GRIK1: variants seen among roughly 807,000 people sequenced by gnomAD.
The protein encoded by GRIK1 is glutamate receptor ionotropic, kainate 1.
Under a neutral mutation model 105.7 loss-of-function variants are expected in GRIK1, and 69 were observed. The ratio of observed to expected loss-of-function variants is 0.65; its 90% CI spans 0.54 to 0.80. The LOEUF is 0.80. GRIK1 is among the 30% of genes least tolerant of loss of function. The pLI is 0.00. For missense variants in GRIK1, 1,109 were observed against 1,167.3 expected (o/e 0.95, Z 0.73); for synonymous variants, 438 against 431.3 (o/e 1.02, Z -0.19).
chr21:29,929,338 C>A (rs2071489121), intron 1 of GRIK1, among the ~76,000 whole-genome samples: 1 of 152,158 alleles, frequency 6.6e-6, no homozygotes, highest in South Asian at 2.1e-4. Context: ...CTTAACTAAT[C>A]GTTGTTAAAC....
chr21:29,708,419 T>C (rs1358976878), intron 1 of GRIK1, among the ~76,000 whole-genome samples: 1 of 152,250 alleles, frequency 6.6e-6, no homozygotes, highest in East Asian at 1.9e-4. Context: ...GTTGATTAGA[T>C]TTTTGGGCAG....
At chr21:29,554,546 T>A (rs898706394) in intron 16 of GRIK1, among the ~76,000 whole-genome samples, 3 of 152,094 alleles carry the variant, frequency 2.0e-5, no homozygotes, top group African/African-American at 7.2e-5. Flanking sequence ...CAAAAAAAAA[T>A]TTGAGGTGAT....
intron 1 of GRIK1, among the ~76,000 whole-genome samples, chr21:29,764,423 T>A (rs914853910): frequency 3.9e-5 from 6 of 152,224 alleles, no homozygotes; most frequent in African/African-American, 1.2e-4. Flanking sequence ...AGTTAATTAG[T>A]GTTAGTTAAC....
At chr21:29,774,673 A>G (rs145971432) in intron 1 of GRIK1, among the ~76,000 whole-genome samples, 2,338 of 152,048 alleles carry the variant, frequency 0.015, 63 homozygotes, top group African/African-American at 0.053. Flanking sequence ...GCTGGTCTCA[A>G]TCTCCTGACC....
At chr21:29,801,287 A>C (rs1230762236) in intron 1 of GRIK1, among the ~76,000 whole-genome samples, 1 of 150,768 alleles carries the variant, frequency 6.6e-6, no homozygotes, top group Non-Finnish European at 1.5e-5. Context: ...TAATGGTAAA[A>C]ACCGCAATTA....
At chr21:29,876,001 A>G (rs192484877) in intron 1 of GRIK1, among the ~76,000 whole-genome samples, 34 of 152,312 alleles carry the variant, frequency 2.2e-4, no homozygotes, top group Admixed American at 1.6e-3. Context: ...CCACTGTTTC[A>G]TGAAATGGTG....
chr21:29,642,896 A>G lies in GRIK1; in HGVS notation c.1028T>C (p.Val343Ala), dbSNP rs759849032. 2 of 1,614,016 alleles carry G rather than the reference A, an allele frequency of 1.2e-6. No individual in the cohort carries two copies. Among genetic ancestry groups the G allele is most frequent in the Admixed American group, 1.7e-5 (1 of 60,018 alleles). Residue 343 changes from valine (V) to alanine (A), a missense_variant, in exon 7 of 18, where the codon GTC (valine) becomes GCC (alanine). Physicochemically the swap from Val to Ala is moderately conservative, Grantham distance 64. Transcript: ENST00000327783. ...ATGTCTATGGCACTGCAGGGAGCTGACGGTCAGCTGGGATGCCCGGTGCGA... is the reference window on the plus strand; with the variant it reads ...ATGTCTATGGCACTGCAGGGAGCTGGCGGTCAGCTGGGATGCCCGGTGCGA... ...IASHRASQLT[V>A]SSLQCHRHKP... is the part of the protein sequence containing the mutation.
intron 1 of GRIK1, among the ~76,000 whole-genome samples, chr21:29,770,047 C>T (rs1269244502): frequency 6.6e-6 from 1 of 152,164 alleles, no homozygotes; most frequent in East Asian, 1.9e-4. Flanking sequence ...TAAATTCCCA[C>T]GAGTGCTATT....
intron 3 of GRIK1, among the ~76,000 whole-genome samples, chr21:29,675,822 G>A (rs1279217006): frequency 1.3e-5 from 2 of 152,096 alleles, no homozygotes; most frequent in African/African-American, 2.4e-5. Context: ...GGCAGAACCC[G>A]GGATTAAGGC....
intron 1 of GRIK1, among the ~76,000 whole-genome samples, chr21:29,913,688 T>C (rs1388498165): frequency 1.3e-5 from 2 of 150,574 alleles, no homozygotes; most frequent in African/African-American, 4.9e-5. Flanking sequence ...TATATATATA[T>C]ATATATTTGT....
intron 1 of GRIK1, among the ~76,000 whole-genome samples, chr21:29,716,924 G>T (rs553948851): frequency 6.6e-6 from 1 of 152,320 alleles, no homozygotes; most frequent in South Asian, 2.1e-4. Flanking sequence ...TGGAGGCCTA[G>T]GAGGGAGAAA....
chr21:29,560,353 TTCTTTTTCTTTCTTC>T (rs2090387006), intron 15 of GRIK1, among the ~76,000 whole-genome samples: 3 of 100,608 alleles, frequency 3.0e-5, no homozygotes, highest in Admixed American at 2.1e-4. Flanking sequence ...CTTTCTTTCT[TTCTTTTTCTTTCTTC>T]CTTCCTTCCT....
intron 5 of GRIK1, among the ~76,000 whole-genome samples, chr21:29,653,020 T>A (rs924317093): frequency 1.4e-4 from 22 of 152,206 alleles, no homozygotes; most frequent in African/African-American, 5.3e-4. Flanking sequence ...CATTGCATAT[T>A]TTTTTCCTTA....
At chr21:29,932,931 C>A (rs753365461) in intron 1 of GRIK1, among the ~76,000 whole-genome samples, 10 of 146,352 alleles carry the variant, frequency 6.8e-5, no homozygotes, top group African/African-American at 2.0e-4. Flanking sequence ...AAAAAAAAAA[C>A]GAGAAAAAGA....
intron 1 of GRIK1, among the ~76,000 whole-genome samples, chr21:29,710,364 C>T (rs1197084086): frequency 2.0e-5 from 3 of 151,548 alleles, no homozygotes; most frequent in Non-Finnish European, 2.9e-5. Context: ...TCAATTTTGT[C>T]ATTAGGTTAT....
intron 14 of GRIK1, among the ~76,000 whole-genome samples, chr21:29,573,192 G>T (rs969073064): frequency 6.6e-6 from 1 of 152,160 alleles, no homozygotes; most frequent in African/African-American, 2.4e-5. Context: ...TCTCTGAGGT[G>T]CTTATTGTTT....
intron 16 of GRIK1, 57 bp from the exon 17 acceptor site, chr21:29,537,941 CAG>C (rs2089908840): frequency 1.1e-5 from 9 of 813,068 alleles, no homozygotes; most frequent in South Asian, 8.0e-5. Flanking sequence ...CTCCAAAAAA[CAG>C]AGATTCTGGC....
intron 1 of GRIK1, among the ~76,000 whole-genome samples, chr21:29,923,357 AAACT>A (rs2071252632): frequency 6.6e-6 from 1 of 152,218 alleles, no homozygotes; most frequent in Non-Finnish European, 1.5e-5. Flanking sequence ...GAAAGAGAGA[AAACT>A]AGAGAAACCT....
intron 1 of GRIK1, among the ~76,000 whole-genome samples, chr21:29,871,760 A>AT (rs35513177): frequency 0.22 from 26,513 of 121,022 alleles, 3,507 homozygotes; most frequent in East Asian, 0.4. Flanking sequence ...AATCTTTTTA[A>AT]TTTTTTTTTT....
Sources: allele counts gnomAD v4.1 joint callset (sites outside exome capture counted in the v4.1 genomes callset), GRCh38; gene constraint gnomAD v4.1.1; transcripts MANE v1.5; gene names NCBI Gene and HGNC (gene_info 2026-07-23, HGNC 2026-07-21).